SYNPR: variants seen among roughly 807,000 people sequenced by gnomAD.
The protein encoded by SYNPR is synaptoporin.
A neutral mutation model predicts 32.9 loss-of-function variants in SYNPR; 23 were observed. The ratio of observed to expected loss-of-function variants is 0.70; its 90% confidence interval spans 0.50 to 0.99. The LOEUF is 0.99. Among genes scored for constraint, SYNPR ranks in the 50% least tolerant of loss-of-function variants. The pLI, the probability that SYNPR is intolerant of heterozygous loss-of-function variation, is 0.00. For missense variants in SYNPR, 318 were observed against 349.3 expected, an observed-to-expected ratio of 0.91 and a Z score of 0.71; for synonymous variants, 146 against 135.9, an observed-to-expected ratio of 1.07 and a Z score of -0.52.
intron 3 of SYNPR, among the ~76,000 whole-genome samples, chr3:63,528,924 T>A (rs1278218129): frequency 6.6e-6 from 1 of 152,166 alleles, no homozygotes; most frequent in Non-Finnish European, 1.5e-5. Context: ...AAATAAGTGA[T>A]CCATAGAATT....
intron 2 of SYNPR, among the ~76,000 whole-genome samples, chr3:63,261,370 G>T (rs1308102914): frequency 6.6e-6 from 1 of 151,712 alleles, no homozygotes; most frequent in Non-Finnish European, 1.5e-5. Context: ...TATACACCAT[G>T]GGATACTATG....
chr3:63,611,069 A>G (rs1463509162), intron 5 of SYNPR, among the ~76,000 whole-genome samples: 1 of 152,202 alleles, frequency 6.6e-6, no homozygotes, highest in East Asian at 1.9e-4. Context: ...TATCCCTAAA[A>G]TCTGTTTTTG....
chr3:63,262,859 C>G (rs2086451372), intron 2 of SYNPR, among the ~76,000 whole-genome samples: 1 of 152,214 alleles, frequency 6.6e-6, no homozygotes, highest in Non-Finnish European at 1.5e-5. Context: ...GTTGGGCTCA[C>G]AGTCAGAAGA....
At chr3:63,377,035 C>T (rs1358288750) in intron 2 of SYNPR, among the ~76,000 whole-genome samples, 1 of 152,032 alleles carries the variant, frequency 6.6e-6, no homozygotes, top group Non-Finnish European at 1.5e-5. Flanking sequence ...TCTTCAACAT[C>T]CCGTTTTTCC....
chr3:63,280,251 T>C (rs1250425329), intron 2 of SYNPR, among the ~76,000 whole-genome samples: 1 of 152,216 alleles, frequency 6.6e-6, no homozygotes, highest in Non-Finnish European at 1.5e-5. Flanking sequence ...ACACAGCCTC[T>C]ACTGCTATAT....
chr3:63,285,366 C>T (rs12490056), intron 2 of SYNPR, among the ~76,000 whole-genome samples: 43,419 of 121,966 alleles, frequency 0.36, 7,512 homozygotes, highest in Non-Finnish European at 0.47. Context: ...TTTATCTTTT[C>T]CTCTTTTGTT....
intron 2 of SYNPR, among the ~76,000 whole-genome samples, chr3:63,285,251 A>T (rs959628217): frequency 2.6e-5 from 4 of 152,256 alleles, no homozygotes; most frequent in South Asian, 4.1e-4. Context: ...TCTGTTAGTT[A>T]TTAATTAATC....
intron 2 of SYNPR, among the ~76,000 whole-genome samples, chr3:63,361,619 A>AG (rs1032929763): frequency 6.9e-6 from 1 of 145,378 alleles, no homozygotes; most frequent in Admixed American, 6.8e-5. Context: ...AAAAAAAAGG[A>AG]GGGGGGGATA....
intron 2 of SYNPR, among the ~76,000 whole-genome samples, chr3:63,308,966 ACTTCAGTTTCTCATAATTAGG>A (rs971046135): frequency 2.0e-5 from 3 of 151,716 alleles, no homozygotes; most frequent in African/African-American, 7.3e-5. Flanking sequence ...CCTTCTATAG[ACTTCAGTTTCTCATAATTAGG>A]CTTCTTGAAT....
At chr3:63,390,284 C>G (rs913276845) in intron 2 of SYNPR, among the ~76,000 whole-genome samples, 1 of 152,012 alleles carries the variant, frequency 6.6e-6, no homozygotes, top group African/African-American at 2.4e-5. Flanking sequence ...ATAGCAAGAA[C>G]ACACCCTCTA....
intron 2 of SYNPR, among the ~76,000 whole-genome samples, chr3:63,439,454 C>T (rs1431395104): frequency 2.6e-5 from 4 of 152,026 alleles, no homozygotes; most frequent in Admixed American, 1.3e-4. Context: ...GAGTGGTAGC[C>T]GACTGTCTGA....
At chr3:63,600,427 T>C (rs1367597343) in intron 4 of SYNPR, among the ~76,000 whole-genome samples, 1 of 152,134 alleles carries the variant, frequency 6.6e-6, no homozygotes, top group Non-Finnish European at 1.5e-5. Flanking sequence ...TGGGACAATG[T>C]AGGGAAGTGG....
intron 3 of SYNPR, among the ~76,000 whole-genome samples, chr3:63,554,845 A>C (rs1412884936): frequency 6.6e-6 from 1 of 152,102 alleles, no homozygotes; most frequent in Non-Finnish European, 1.5e-5. Flanking sequence ...CAATCCATGA[A>C]CATGGAAAGT....
the SYNPR span, among the ~76,000 whole-genome samples, chr3:63,211,706 TTC>T: frequency 1.4e-5 from 1 of 70,110 alleles, no homozygotes; most frequent in Non-Finnish European, 3.0e-5. Context: ...GCTTGAATCT[TTC>T]TTTTTTTTTT....
Position 63,562,388 on chromosome 3 carries a change from G to T in SYNPR, c.408+5647G>T, listed in dbSNP as rs4302377. Among the ~76,000 whole-genome samples, 322 of 152,252 alleles carry T rather than the reference G, an allele frequency of 2.1e-3. 10 individuals carry two copies. The East Asian group carries it at 0.057, about 27-fold the overall frequency. On this transcript the variant is annotated intron_variant, in intron 4 of 5. Coordinates refer to ENST00000478300, the MANE Select transcript of SYNPR (RefSeq NM_001130003.2). ...GTGAATCTGTATTGCAAGACGTTTGGCTTAAAATAACTTCTCTGGGAATTA... is the reference window on the plus strand; with the variant it reads ...GTGAATCTGTATTGCAAGACGTTTGTCTTAAAATAACTTCTCTGGGAATTA...
the SYNPR span, among the ~76,000 whole-genome samples, chr3:63,201,757 C>T: frequency 2.0e-5 from 3 of 151,864 alleles, no homozygotes; most frequent in Non-Finnish European, 2.9e-5. Context: ...AAAGAATTTA[C>T]AATAAATACA....
At chr3:63,261,239 C>T (rs563904462) in intron 2 of SYNPR, among the ~76,000 whole-genome samples, 57 of 152,170 alleles carry the variant, frequency 3.7e-4, no homozygotes, top group East Asian at 1.7e-3. Flanking sequence ...GGACTATAAA[C>T]CATGCTGCTG....
chr3:63,596,455 T>C (rs1331972232), intron 4 of SYNPR, among the ~76,000 whole-genome samples: 1 of 151,824 alleles, frequency 6.6e-6, no homozygotes, highest in Non-Finnish European at 1.5e-5. Flanking sequence ...GCCTGCCATG[T>C]CTTGTTAACA....
chr3:63,335,032 T>C (rs997954546), intron 2 of SYNPR, among the ~76,000 whole-genome samples: 2 of 152,166 alleles, frequency 1.3e-5, no homozygotes, highest in African/African-American at 4.8e-5. Context: ...AATAGGTTGA[T>C]GCAAAAGTAA....
Sources: gnomAD v4.1 joint callset for allele counts (sites outside exome capture counted in the v4.1 genomes callset) on GRCh38, gnomAD v4.1.1 for gene constraint, MANE v1.5 for transcripts, NCBI Gene and HGNC (gene_info 2026-07-23, HGNC 2026-07-21) for gene names.